Variants in TRHDE observed in about 807,000 individuals in gnomAD.
TRHDE encodes the protein thyrotropin releasing hormone degrading enzyme, also known as thyrotropin-releasing hormone-degrading ectoenzyme.
In TRHDE, 72 loss-of-function variants were observed where a neutral mutation model predicts 125.7. That is an observed-to-expected ratio of 0.57 (90% CI 0.47 to 0.70). The LOEUF (loss-of-function observed/expected upper bound fraction) is 0.70, where lower values mean the gene tolerates loss of function less well. Among genes scored for constraint, TRHDE ranks in the 30% least tolerant of loss-of-function variants. The probability of loss-of-function intolerance (pLI) is 0.00; values close to 1 mark genes in which losing one functional copy is unlikely to be tolerated. For synonymous variants in TRHDE, 509 were observed against 509.1 expected, an observed-to-expected ratio of 1.00 and a Z score of 0.00; for missense variants, 1,110 against 1,327.1, an observed-to-expected ratio of 0.84 and a Z score of 2.54.
intron 2 of TRHDE, among the ~76,000 whole-genome samples, chr12:72,123,362 T>A (rs1000975434): frequency 2.0e-5 from 3 of 152,080 alleles, no homozygotes; most frequent in Non-Finnish European, 4.4e-5. Flanking sequence ...TAAAATATTC[T>A]CTCTATATTA....
intron 1 of TRHDE, among the ~76,000 whole-genome samples, chr12:72,090,842 G>A (rs751154618): frequency 6.6e-6 from 1 of 151,526 alleles, no homozygotes; most frequent in Non-Finnish European, 1.5e-5. Context: ...TTCAAAGATT[G>A]GATTTATTTC....
intron 2 of TRHDE, among the ~76,000 whole-genome samples, chr12:72,164,875 G>A (rs1214685542): frequency 6.6e-6 from 1 of 152,128 alleles, no homozygotes; most frequent in African/African-American, 2.4e-5. Flanking sequence ...CAAATCTCTG[G>A]GCCGGCCACT....
chr12:72,095,181 T>C (rs1874883707), intron 1 of TRHDE, among the ~76,000 whole-genome samples: 1 of 152,220 alleles, frequency 6.6e-6, no homozygotes, highest in South Asian at 2.1e-4. Context: ...AATCCTTTAG[T>C]GTGGGCTGTC....
chr12:72,441,921 T>G (rs1282285804), intron 3 of TRHDE, among the ~76,000 whole-genome samples: 1 of 151,904 alleles, frequency 6.6e-6, no homozygotes, highest in African/African-American at 2.4e-5. Flanking sequence ...TTGAGTAAAC[T>G]TGGGAACACC....
chr12:72,386,541 A>T (rs1167741625), intron 3 of TRHDE, among the ~76,000 whole-genome samples: 1 of 152,074 alleles, frequency 6.6e-6, no homozygotes, highest in Non-Finnish European at 1.5e-5. Context: ...CCCTATCAGC[A>T]TTAAAAATAT....
chr12:72,240,246 T>A (rs1878447740), intron 2 of TRHDE, among the ~76,000 whole-genome samples: 1 of 150,724 alleles, frequency 6.6e-6, no homozygotes, highest in Admixed American at 6.6e-5. Context: ...ACGGCAAGAT[T>A]AAAATCCTAC....
At chr12:72,098,901 C>T (rs369268847) in intron 1 of TRHDE, among the ~76,000 whole-genome samples, 24 of 152,296 alleles carry the variant, frequency 1.6e-4, no homozygotes, top group South Asian at 1.0e-3. Context: ...CTTCGTGGCT[C>T]ACGTCTGTAA....
chr12:72,538,932 T>C lies in TRHDE; in HGVS notation c.1723-3359T>C, dbSNP rs546249610. 4.6e-5 allele frequency among the ~76,000 whole-genome samples: 7 copies of C among 152,058 alleles called. No homozygotes were observed. In the East Asian group the frequency reaches 1.4e-3, roughly 29 times the overall value. ...TATTCAAAGTCCTCTAAAAACTGTC[T>C]CAATCTTATTTTCCATCTAATCTTC... On this transcript the variant is annotated intron_variant, in intron 6 of 18. Transcript: ENST00000261180.
At chr12:72,367,954 A>G (rs571779206) in intron 2 of TRHDE, among the ~76,000 whole-genome samples, 1 of 152,338 alleles carries the variant, frequency 6.6e-6, no homozygotes, top group South Asian at 2.1e-4. Context: ...GTACCAAATT[A>G]CAAATGTCAA....
intron 10 of TRHDE, among the ~76,000 whole-genome samples, chr12:72,569,447 C>G (rs573124642): frequency 1.2e-4 from 18 of 152,124 alleles, no homozygotes; most frequent in Non-Finnish European, 2.4e-4. Context: ...ATTTTGCTCT[C>G]TCATAAGCCT....
At chr12:72,089,323 G>T (rs1260936448) in intron 1 of TRHDE, among the ~76,000 whole-genome samples, 2 of 152,136 alleles carry the variant, frequency 1.3e-5, no homozygotes, top group African/African-American at 4.8e-5. Context: ...ACGTAGGTCA[G>T]ATTGTATCAC....
chr12:72,137,681 C>T (rs1876015056), intron 2 of TRHDE: 1 of 152,128 alleles, frequency 6.6e-6, no homozygotes, highest in African/African-American at 2.4e-5. Context: ...GTGACCATTT[C>T]CTGATCAGTT....
intron 2 of TRHDE, among the ~76,000 whole-genome samples, chr12:72,169,554 T>G (rs942365536): frequency 6.6e-6 from 1 of 152,054 alleles, no homozygotes; most frequent in Non-Finnish European, 1.5e-5. Flanking sequence ...CTTCCTCTTC[T>G]TATAAAGGTG....
At chr12:72,207,858 C>T (rs1877700654) in intron 2 of TRHDE, among the ~76,000 whole-genome samples, 1 of 152,122 alleles carries the variant, frequency 6.6e-6, no homozygotes, top group Non-Finnish European at 1.5e-5. Flanking sequence ...TTAAATCTCC[C>T]CTGTTTATTT....
At chr12:72,370,894 C>T (rs749358058) in intron 2 of TRHDE, among the ~76,000 whole-genome samples, 9 of 152,066 alleles carry the variant, frequency 5.9e-5, no homozygotes, top group African/African-American at 2.2e-4. Context: ...AGGCATGCAC[C>T]ACCATGCTCA....
chr12:72,096,168 T>C (rs370687728), intron 1 of TRHDE, among the ~76,000 whole-genome samples: 32 of 57,714 alleles, frequency 5.5e-4, no homozygotes, highest in East Asian at 5.0e-3. Flanking sequence ...CACACACACA[T>C]ATCCTATTGG....
intron 2 of TRHDE, among the ~76,000 whole-genome samples, chr12:72,178,540 G>T (rs1565656083): frequency 1.3e-5 from 2 of 152,036 alleles, no homozygotes. Context: ...ATAACAGAGA[G>T]GAACAAAATT....
intron 12 of TRHDE, among the ~76,000 whole-genome samples, chr12:72,602,885 T>C (rs1592565989): frequency 6.6e-6 from 1 of 152,290 alleles, no homozygotes; most frequent in South Asian, 2.1e-4. Context: ...CAGCAGCAAC[T>C]ACTTCTACTG....
chr12:72,185,358 C>T (rs185545658), intron 2 of TRHDE, among the ~76,000 whole-genome samples: 5 of 152,352 alleles, frequency 3.3e-5, no homozygotes, highest in Non-Finnish European at 7.4e-5. Flanking sequence ...GCCGCCCTAG[C>T]CTCCCCGACG....
Sources: gnomAD v4.1 joint callset for allele counts (sites outside exome capture counted in the v4.1 genomes callset) on GRCh38, gnomAD v4.1.1 for gene constraint, MANE v1.5 for transcripts, NCBI Gene and HGNC (gene_info 2026-07-23, HGNC 2026-07-21) for gene names.